SLC25A22: variants seen among roughly 807,000 people sequenced by gnomAD.
SLC25A22 encodes the protein solute carrier family 25 member 22.
A neutral mutation model predicts 33.7 loss-of-function variants in SLC25A22; 23 were observed. The observed-to-expected ratio is 0.68, with a 90% confidence interval of 0.49 to 0.97. The LOEUF (loss-of-function observed/expected upper bound fraction) is 0.97. SLC25A22 is among the 50% of genes least tolerant of loss of function. The probability of loss-of-function intolerance (pLI) is 0.00; values close to 1 mark genes in which losing one functional copy is unlikely to be tolerated. For missense variants in SLC25A22, 390 were observed against 451.1 expected, an observed-to-expected ratio of 0.86 and a Z score of 1.23; for synonymous variants, 245 against 203.8, an observed-to-expected ratio of 1.20 and a Z score of -1.72.
intron 1 of SLC25A22, chr11:796,133 G>A: frequency 6.5e-6 from 1 of 153,040 alleles, no homozygotes; most frequent in Non-Finnish European, 1.5e-5. Flanking sequence ...CCAGGGCTGG[G>A]CCATCCACCA....
At chr11:797,963 G>C (rs1172032212) in intron 1 of SLC25A22, 12 of 398,324 alleles carry the variant, frequency 3.0e-5, no homozygotes, top group Non-Finnish European at 4.9e-5. Flanking sequence ...TTGGGCTCGG[G>C]CCCCGGACAC....
In SLC25A22 at chr11:795,104, C is replaced by T; in HGVS notation, c.-98G>A. 1 of 1,399,138 alleles carries T rather than the reference C, an allele frequency of 7.1e-7. No individual in the cohort carries two copies. The highest frequency in any genetic ancestry group is 9.8e-7 in the Non-Finnish European group (1 of 1,019,512). The allele number at this position is 1,399,138 out of a possible 1,614,324, so 86.7% of individuals were successfully genotyped here. A position where few individuals can be genotyped will look rare whatever the true frequency, so the allele number is the denominator to read the frequency against. ...GGAGGCCTTGAGGGAGGGTGGGACC[C>T]AGGGGGGTTGGGTGGTGCTCCACCT... On this transcript the variant is annotated 5_prime_UTR_variant, in exon 2 of 10. Transcript: ENST00000628067.
At chr11:796,623 A>C (rs985572414) in intron 1 of SLC25A22, among the ~76,000 whole-genome samples, 5 of 152,192 alleles carry the variant, frequency 3.3e-5, no homozygotes, top group African/African-American at 1.2e-4. Context: ...TGTGGAGCAG[A>C]GATGGGCTAA....
chr11:797,220 G>C (rs945579110), intron 1 of SLC25A22, among the ~76,000 whole-genome samples: 2 of 152,206 alleles, frequency 1.3e-5, no homozygotes, highest in African/African-American at 2.4e-5. Flanking sequence ...GGCAGGCCTG[G>C]GCCCGCACGT....
rs1002951260 is a variant in SLC25A22 at position 795,375 on chromosome 11, TC to T, written c.-163-207del. On this transcript the variant is annotated intron_variant, in intron 1 of 9. Transcript: ENST00000628067. ...ACCTGGCTTCCTTTCAGTCCCCCCC[TC>T]CCCACCGCCAGCGTCTTCCCAGCCA... 106 of 44,626 alleles carry T rather than the reference TC, an allele frequency of 2.4e-3. 6 individuals carry two copies. The highest frequency in any genetic ancestry group is 3.7e-3 in the Admixed American group (13 of 3,478). The allele number at this position is 44,626 out of a possible 1,614,324, so 2.8% of individuals were successfully genotyped here.
At chr11:796,394 G>A (rs1267628644) in intron 1 of SLC25A22, 2 of 152,112 alleles carry the variant, frequency 1.3e-5, no homozygotes, top group Non-Finnish European at 2.9e-5. Flanking sequence ...AGCAGGGGTG[G>A]GTCTGACTCA....
In SLC25A22 at chr11:792,913, G is replaced by A. The variant is rs1323870979; in HGVS notation, c.369C>T (p.Pro123=). 1 of 1,612,844 alleles carries A rather than the reference G, an allele frequency of 6.2e-7. No homozygotes were observed. The highest frequency in any genetic ancestry group is 1.7e-5 in the Admixed American group (1 of 59,952). The change falls in exon 6 of 10, where the codon CCC becomes CCT. Residue 123 remains proline (P), a synonymous_variant. Coordinates refer to ENST00000628067, the MANE Select transcript of SLC25A22 (RefSeq NM_001191061.2). ...AGTCQVIVTT[P]MEMLKIQLQD... is the part of the protein sequence containing the mutation. ...GCAGCTGGATCTTCAGCATCTCCAT[G>A]GGCGTGGTCACGATCACCTGGCAGG... is the stretch of plus-strand genomic sequence containing the variant.
intron 1 of SLC25A22, among the ~76,000 whole-genome samples, chr11:797,258 G>A (rs1433738133): frequency 6.6e-6 from 1 of 152,210 alleles, no homozygotes; most frequent in Non-Finnish European, 1.5e-5. Flanking sequence ...AGGAGCTTCT[G>A]GGTGGAGAAT....
chr11:793,132 G>A (rs1310247901), intron 5 of SLC25A22, 144 bp from the exon 6 acceptor site: 5 of 784,110 alleles, frequency 6.4e-6, no homozygotes, highest in South Asian at 1.5e-5. Flanking sequence ...CCCAGCCTCC[G>A]CCACTGCAGC....
rs143064022 is a variant in SLC25A22 at position 793,555 on chromosome 11, G to C, written c.267C>G (p.Phe89Leu). 69 of 1,613,500 alleles carry C rather than the reference G, an allele frequency of 4.3e-5. No homozygotes were observed. In the African/African-American group the frequency reaches 7.6e-4, roughly 18 times the overall value. The change falls in exon 5 of 10, where the codon TTC (phenylalanine) becomes TTG (leucine). Residue 89 changes from phenylalanine to leucine, a missense_variant. Transcript: ENST00000628067. ...CGTCCTTAGAGAGCTGATGTCGGAA[G>C]AAGTCGTTGGCTGCCAGCTTGATGG... is the stretch of plus-strand genomic sequence containing the variant. Reference protein sequence around the residue: ...EKAIKLAANDFFRHQLSKDGQ... With the variant: ...EKAIKLAANDLFRHQLSKDGQ...
At chr11:795,384 C>T in intron 1 of SLC25A22, 1 of 401,074 alleles carries the variant, frequency 2.5e-6, no homozygotes, top group Non-Finnish European at 4.7e-6. Flanking sequence ...CTCCCCACCG[C>T]CAGCGTCTTC....
intron 1 of SLC25A22, among the ~76,000 whole-genome samples, chr11:797,058 C>G (rs1052858496): frequency 2.6e-5 from 4 of 152,164 alleles, no homozygotes; most frequent in African/African-American, 9.7e-5. Context: ...CCTCCAGGGA[C>G]TGAGCAACCC....
At chr11:797,459 T>G (rs1434555424) in intron 1 of SLC25A22, 2 of 395,830 alleles carry the variant, frequency 5.1e-6, no homozygotes, top group East Asian at 7.2e-5. Context: ...CTGTGAGCCG[T>G]CACTGTCCCC....
rs1179494187 is a variant in SLC25A22 at position 791,942 on chromosome 11, C to T, written c.945G>A (p.Leu315=). ...AGGCCTGGGGGTCCTGCAGCAGCCCCAGCAGGGACTCCGCGATGCCCAGGA... is the reference window on the plus strand; with the variant it reads ...AGGCCTGGGGGTCCTGCAGCAGCCCTAGCAGGGACTCCGCGATGCCCAGGA... ...VYFLGIAESL[L]GLLQDPQA is the part of the protein sequence containing the mutation. The change falls in exon 10 of 10, where the codon CTG becomes CTA. Residue 315 remains leucine (L), a synonymous_variant. Transcript: ENST00000628067. The T allele has an allele frequency of 3.2e-5, 51 of 1,603,148 alleles. No homozygotes were observed. The highest frequency in any genetic ancestry group is 4.3e-5 in the Non-Finnish European group (51 of 1,179,432).
At chr11:794,588 G>A (rs748910808) in intron 3 of SLC25A22, 75 bp from the exon 4 acceptor site, 1 of 1,572,290 alleles carries the variant, frequency 6.4e-7, no homozygotes, top group Non-Finnish European at 8.6e-7. Context: ...ACTGTCTAGG[G>A]CTGATAGAAG....
intron 1 of SLC25A22, chr11:797,695 G>A (rs1278838070): frequency 5.0e-6 from 2 of 398,590 alleles, no homozygotes; most frequent in Non-Finnish European, 8.8e-6. Context: ...TCCTCTTGGG[G>A]CGGTGCTTTC....
chr11:794,767 C>G lies in SLC25A22; in HGVS notation c.146+9G>C. 6.3e-7 allele frequency: 1 copy of G among 1,598,434 alleles called. No homozygotes were observed. Among genetic ancestry groups the G allele is most frequent in the South Asian group, 1.1e-5 (1 of 88,582 alleles). Reference sequence around the variant, plus strand: ...GGGCCCACTCCCCGCGACCGCCCGGCACACTCACATGCTCGTGTACACGCG... The same window carrying G: ...GGGCCCACTCCCCGCGACCGCCCGGGACACTCACATGCTCGTGTACACGCG... On this transcript the variant is annotated intron_variant, in intron 3 of 9. Coordinates refer to ENST00000628067, the MANE Select transcript of SLC25A22 (RefSeq NM_001191061.2).
In SLC25A22 at chr11:798,237, C is replaced by T. The variant is rs1864941074; in HGVS notation, c.-184G>A. On this transcript the variant is annotated 5_prime_UTR_variant, in exon 1 of 10. Transcript: ENST00000628067. ...CTCACCACGCTCGCCGCCGCCGCCGCGCTCGCCTGCCCGCCCCGCGCTCGG... is the reference window on the plus strand; with the variant it reads ...CTCACCACGCTCGCCGCCGCCGCCGTGCTCGCCTGCCCGCCCCGCGCTCGG... The T allele has an allele frequency of 7.6e-6, 3 of 393,406 alleles. No homozygotes were observed. The South Asian group carries it at 3.8e-4, about 50-fold the overall frequency. The allele number at this position is 393,406 out of a possible 1,614,324, so 24.4% of individuals were successfully genotyped here. A position where few individuals can be genotyped will look rare whatever the true frequency, so the allele number is the denominator to read the frequency against.
In SLC25A22 at chr11:790,801, G is replaced by C. The variant is rs1158614880; in HGVS notation, c.*1114C>G. On this transcript the variant is annotated 3_prime_UTR_variant, in exon 10 of 10. Coordinates refer to ENST00000628067, the MANE Select transcript of SLC25A22 (RefSeq NM_001191061.2). ...TTCGGCTCACAGCAGGGATCGCCCG[G>C]TGGCAGGGGGGATGGGGCTTCTGAA... is the stretch of plus-strand genomic sequence containing the variant. The C allele has an allele frequency of 6.5e-6, 1 of 152,714 alleles. No homozygotes were observed. The highest frequency in any genetic ancestry group is 1.5e-5 in the Non-Finnish European group (1 of 68,356). The allele number at this position is 152,714 out of a possible 1,614,324, so 9.5% of individuals were successfully genotyped here. A position where few individuals can be genotyped will look rare whatever the true frequency, so the allele number is the denominator to read the frequency against.
Sources: gnomAD v4.1 joint callset for allele counts (sites outside exome capture counted in the v4.1 genomes callset) on GRCh38, gnomAD v4.1.1 for gene constraint, MANE v1.5 for transcripts, NCBI Gene and HGNC (gene_info 2026-07-23, HGNC 2026-07-21) for gene names.